OCA2: variants seen among roughly 807,000 people sequenced by gnomAD.
OCA2 encodes the protein OCA2 melanosomal transmembrane protein.
A neutral mutation model predicts 100.2 loss-of-function variants in OCA2; 77 were observed. The observed-to-expected ratio is 0.77, with a 90% CI of 0.64 to 0.93. The LOEUF is 0.93. OCA2 is among the 40% of genes least tolerant of loss of function. The probability of loss-of-function intolerance (pLI) is 0.00; values close to 1 mark genes in which losing one functional copy is unlikely to be tolerated. For synonymous variants in OCA2, 432 were observed against 439.2 expected (o/e 0.98, Z 0.21); for missense variants, 1,062 against 1,089.1 (o/e 0.98, Z 0.35).
chr15:27,913,816 G>GAGAAAGAAAGAA (rs1227102939), intron 19 of OCA2, among the ~76,000 whole-genome samples: 2 of 66,152 alleles, frequency 3.0e-5, no homozygotes, highest in African/African-American at 5.3e-5. Context: ...AAAAAAAAAA[G>GAGAAAGAAAGAA]AGAAAGAAAG....
chr15:28,002,863 G>A (rs1887250186), intron 9 of OCA2, among the ~76,000 whole-genome samples: 2 of 152,202 alleles, frequency 1.3e-5, no homozygotes, highest in African/African-American at 4.8e-5. Flanking sequence ...CCAAGGAGAA[G>A]GTATACACTC....
At chr15:27,975,202 G>T (rs567529826) in intron 14 of OCA2, among the ~76,000 whole-genome samples, 7 of 152,290 alleles carry the variant, frequency 4.6e-5, no homozygotes, top group Admixed American at 1.3e-4. Context: ...AATACACCAT[G>T]CCTAGGATTT....
At chr15:28,063,424 G>A (rs998197812) in intron 2 of OCA2, among the ~76,000 whole-genome samples, 2 of 152,006 alleles carry the variant, frequency 1.3e-5, no homozygotes, top group African/African-American at 2.4e-5. Flanking sequence ...TACCATTGAG[G>A]TAAGATTTAT....
At chr15:27,856,928 C>T (rs2035970316) in intron 21 of OCA2, among the ~76,000 whole-genome samples, 1 of 152,176 alleles carries the variant, frequency 6.6e-6, no homozygotes, top group Admixed American at 6.5e-5. Flanking sequence ...TCTAGTATTA[C>T]CACAACATAA....
At position 27,799,128 on chromosome 15, in the gene OCA2, G is replaced by C. The variant is rs1011920646; in HGVS notation, c.2433-43656C>G. 2.0e-5 allele frequency among the ~76,000 whole-genome samples: 3 copies of C among 151,912 alleles called. No homozygotes were observed. The South Asian group carries it at 6.3e-4, about 32-fold the overall frequency. Reference sequence around the variant, plus strand: ...AATGGAAGCCACTTTCTTTGCAATCGTCAGGCAAACTCCAGAGGAACAGGG... The same window carrying C: ...AATGGAAGCCACTTTCTTTGCAATCCTCAGGCAAACTCCAGAGGAACAGGG... On this transcript the variant is annotated intron_variant, in intron 23 of 23. Coordinates refer to ENST00000354638, the MANE Select transcript of OCA2 (RefSeq NM_000275.3).
intron 23 of OCA2, among the ~76,000 whole-genome samples, chr15:27,766,300 C>T (rs551608117): frequency 6.6e-6 from 1 of 152,064 alleles, no homozygotes; most frequent in South Asian, 2.1e-4. Flanking sequence ...TAAAAAAATC[C>T]AGTATGGATG....
chr15:28,097,548 C>G (rs2045009398), intron 1 of OCA2, among the ~76,000 whole-genome samples: 1 of 152,200 alleles, frequency 6.6e-6, no homozygotes, highest in South Asian at 2.1e-4. Context: ...AGCCATCTTT[C>G]CACTACTAAC....
intron 19 of OCA2, among the ~76,000 whole-genome samples, chr15:27,917,154 T>C (rs1427540217): frequency 1.3e-5 from 2 of 152,014 alleles, no homozygotes; most frequent in East Asian, 1.9e-4. Flanking sequence ...AGTTTGAACA[T>C]GAATAGGTTG....
rs776631782 is a variant in OCA2, at chr15:27,871,239, C to T, written c.2159G>A (p.Arg720His). Reference sequence around the variant, plus strand: ...CACCAGGACAATGGCGGCTATGAGGCGCTGCTCCTCTGGGACCATCTGGAA... The same window carrying T: ...CACCAGGACAATGGCGGCTATGAGGTGCTGCTCCTCTGGGACCATCTGGAA... ...LLIKMVPEEQ[R>H]LIAAIVLVVW... Residue 720 changes from arginine to histidine, a missense_variant, in exon 21 of 24, where the codon CGC (arginine) becomes CAC (histidine). By Grantham distance (29) the Arg-to-His change is conservative. Transcript: ENST00000354638. 20 of 1,613,958 alleles carry T rather than the reference C, an allele frequency of 1.2e-5. No homozygotes were observed. Among genetic ancestry groups the T allele is most frequent in the Admixed American group, 1.0e-4 (6 of 59,998 alleles).
intron 23 of OCA2, among the ~76,000 whole-genome samples, chr15:27,814,194 CCA>C (rs978068374): frequency 1.2e-4 from 18 of 150,838 alleles, no homozygotes; most frequent in African/African-American, 3.9e-4. Context: ...TCTCTTCAAT[CCA>C]CAGTTTATTT....
intron 21 of OCA2, among the ~76,000 whole-genome samples, chr15:27,858,599 A>G (rs1027068215): frequency 1.3e-5 from 2 of 152,170 alleles, no homozygotes; most frequent in African/African-American, 4.8e-5. Flanking sequence ...AACAGGTTAC[A>G]AAAGACAAAG....
intron 23 of OCA2, among the ~76,000 whole-genome samples, chr15:27,769,732 T>C (rs556880249): frequency 6.6e-6 from 1 of 152,326 alleles, no homozygotes; most frequent in Non-Finnish European, 1.5e-5. Flanking sequence ...AGGTAACACA[T>C]GATTCTGAGC....
chr15:28,063,705 C>A (rs1181516718), intron 2 of OCA2, among the ~76,000 whole-genome samples: 1 of 152,118 alleles, frequency 6.6e-6, no homozygotes, highest in Non-Finnish European at 1.5e-5. Context: ...TTTCCTCTCA[C>A]CTGTTTGTTC....
chr15:27,875,544 A>T (rs972041793), intron 19 of OCA2, among the ~76,000 whole-genome samples: 7 of 152,124 alleles, frequency 4.6e-5, no homozygotes, highest in Non-Finnish European at 8.8e-5. Flanking sequence ...TCTCTGCAGA[A>T]AAACCTAGTT....
the OCA2 span, among the ~76,000 whole-genome samples, chr15:27,728,493 G>T: frequency 6.6e-6 from 1 of 150,934 alleles, no homozygotes. Flanking sequence ...TTTCATTTTT[G>T]CTCTTTCCAT....
intron 23 of OCA2, among the ~76,000 whole-genome samples, chr15:27,824,750 C>T (rs554707844): frequency 1.3e-5 from 2 of 151,498 alleles, no homozygotes; most frequent in East Asian, 3.9e-4. Context: ...TAAAAGGCAA[C>T]AAACTTTTTT....
At chr15:27,841,159 T>G (rs1368213274) in intron 23 of OCA2, among the ~76,000 whole-genome samples, 1 of 152,204 alleles carries the variant, frequency 6.6e-6, no homozygotes, top group Non-Finnish European at 1.5e-5. Context: ...TGTGAAACAA[T>G]TTGGATGAAT....
At chr15:28,092,084 T>C (rs1265772497) in intron 1 of OCA2, among the ~76,000 whole-genome samples, 1 of 152,186 alleles carries the variant, frequency 6.6e-6, no homozygotes, top group Non-Finnish European at 1.5e-5. Flanking sequence ...TGAATAACCT[T>C]TGGAAACATG....
At chr15:28,040,867 C>T (rs1305656124) in intron 2 of OCA2, among the ~76,000 whole-genome samples, 1 of 151,860 alleles carries the variant, frequency 6.6e-6, no homozygotes, top group Non-Finnish European at 1.5e-5. Context: ...AAAGAAAAGC[C>T]CTGGATGAGA....
Sources: gnomAD v4.1 joint callset for allele counts (sites outside exome capture counted in the v4.1 genomes callset) on GRCh38, gnomAD v4.1.1 for gene constraint, MANE v1.5 for transcripts, NCBI Gene and HGNC (gene_info 2026-07-23, HGNC 2026-07-21) for gene names.